Variants in GPHN observed in about 807,000 individuals in gnomAD.
GPHN encodes the protein gephyrin.
Under a neutral mutation model 95.5 loss-of-function variants are expected in GPHN, and 17 were observed. The ratio of observed to expected loss-of-function variants is 0.18; its 90% confidence interval spans 0.12 to 0.27. GPHN has a LOEUF of 0.27. GPHN is among the 10% of genes least tolerant of loss of function. GPHN has a pLI of 1.00. For missense variants in GPHN, 660 were observed against 978.1 expected (o/e 0.67, Z 4.34); for synonymous variants, 320 against 322.5 (o/e 0.99, Z 0.08).
the GPHN span, among the ~76,000 whole-genome samples, chr14:67,675,734 G>C: frequency 1.3e-5 from 2 of 152,070 alleles, no homozygotes; most frequent in Non-Finnish European, 2.9e-5. Context: ...GGCTTCATTA[G>C]GTCTCATCTG....
chr14:66,832,917 G>A (rs2061635413), intron 4 of GPHN, among the ~76,000 whole-genome samples: 1 of 152,154 alleles, frequency 6.6e-6, no homozygotes, highest in African/African-American at 2.4e-5. Context: ...AAAGGTAGGA[G>A]TAAAGAAGAA....
the GPHN span, chr14:67,571,646 G>C: frequency 1.8e-6 from 2 of 1,112,564 alleles, no homozygotes; most frequent in Non-Finnish European, 2.7e-6. Context: ...GTCCCGGCTG[G>C]GGGTTGGCCA....
At chr14:67,646,641 T>A in the GPHN span, 188 of 1,599,422 alleles carry the variant, frequency 1.2e-4, no homozygotes, top group Non-Finnish European at 1.5e-4. Flanking sequence ...CTCCCTTTCA[T>A]AGGTACCACA....
At chr14:67,308,854 G>C in the GPHN span, among the ~76,000 whole-genome samples, 1 of 151,942 alleles carries the variant, frequency 6.6e-6, no homozygotes, top group Non-Finnish European at 1.5e-5. Flanking sequence ...TTATTAATAA[G>C]TAATTCTAAT....
At chr14:67,392,016 C>T in the GPHN span, among the ~76,000 whole-genome samples, 4 of 152,302 alleles carry the variant, frequency 2.6e-5, no homozygotes, top group African/African-American at 4.8e-5. Context: ...TCAGCAAAAG[C>T]TTCCAAGACA....
the GPHN span, among the ~76,000 whole-genome samples, chr14:67,479,138 G>T: frequency 6.6e-6 from 1 of 152,156 alleles, no homozygotes; most frequent in Non-Finnish European, 1.5e-5. Context: ...GCTGGACGTG[G>T]TGGCTCACCC....
At chr14:67,524,317 C>T in the GPHN span, among the ~76,000 whole-genome samples, 2 of 152,144 alleles carry the variant, frequency 1.3e-5, no homozygotes, top group Non-Finnish European at 2.9e-5. Context: ...GGACCCCAAT[C>T]CCTGTCGTAA....
the GPHN span, among the ~76,000 whole-genome samples, chr14:67,213,313 C>A: frequency 9.5e-6 from 1 of 105,694 alleles, no homozygotes; most frequent in African/African-American, 3.6e-5. Flanking sequence ...ATCCCTCCCC[C>A]CTCCCCCCAC....
the GPHN span, among the ~76,000 whole-genome samples, chr14:67,429,473 C>T: frequency 1.3e-5 from 2 of 149,680 alleles, no homozygotes; most frequent in East Asian, 4.2e-4. Context: ...TCATGATTCG[C>T]CCACCTCGGC....
intron 2 of GPHN, among the ~76,000 whole-genome samples, chr14:66,691,178 C>T (rs2067750469): frequency 6.6e-6 from 1 of 151,594 alleles, no homozygotes; most frequent in African/African-American, 2.4e-5. Flanking sequence ...ACTGTCTCTA[C>T]AATTTTTATT....
At chr14:66,920,357 T>G (rs1054501522) in intron 6 of GPHN, among the ~76,000 whole-genome samples, 2 of 152,216 alleles carry the variant, frequency 1.3e-5, no homozygotes, top group Admixed American at 1.3e-4. Flanking sequence ...ATTTATTTAT[T>G]TTTAGAGACA....
At chr14:66,550,964 C>T (rs2059789563) in intron 1 of GPHN, 1 of 152,852 alleles carries the variant, frequency 6.5e-6, no homozygotes, top group Non-Finnish European at 1.5e-5. Context: ...TCACGCCATT[C>T]TCTTGCCTCA....
chr14:66,992,771 A>G (rs1010767772), intron 9 of GPHN, among the ~76,000 whole-genome samples: 22 of 152,142 alleles, frequency 1.4e-4, no homozygotes, highest in African/African-American at 5.1e-4. Flanking sequence ...GCATTTATAA[A>G]TTGTGGAGAA....
chr14:67,303,024 A>C, the GPHN span, among the ~76,000 whole-genome samples: 5 of 152,236 alleles, frequency 3.3e-5, no homozygotes, highest in African/African-American at 1.2e-4. Flanking sequence ...AGCTGCATAT[A>C]GCTATTTCTG....
At chr14:66,938,079 A>G (rs1567125665) in intron 8 of GPHN, among the ~76,000 whole-genome samples, 1 of 152,210 alleles carries the variant, frequency 6.6e-6, no homozygotes, top group Non-Finnish European at 1.5e-5. Context: ...TCAAAGTGGT[A>G]GTGATATTTG....
chr14:66,723,881 G>A (rs894633776), intron 2 of GPHN, among the ~76,000 whole-genome samples: 2 of 151,828 alleles, frequency 1.3e-5, no homozygotes, highest in Non-Finnish European at 1.5e-5. Flanking sequence ...GGAATACCTA[G>A]TTTATACAAG....
intron 11 of GPHN, among the ~76,000 whole-genome samples, chr14:67,087,198 C>T (rs534758890): frequency 1.3e-5 from 2 of 152,102 alleles, no homozygotes; most frequent in Non-Finnish European, 2.9e-5. Flanking sequence ...AAACTCAGCC[C>T]TTGTGCTATC....
intron 10 of GPHN, among the ~76,000 whole-genome samples, chr14:67,049,517 C>CT (rs746210824): frequency 1.9e-3 from 268 of 140,320 alleles, no homozygotes; most frequent in South Asian, 0.011. Flanking sequence ...TCTGTGACAA[C>CT]TTTTTTTTTT....
chr14:67,407,795 G>T, the GPHN span, among the ~76,000 whole-genome samples: 1 of 152,044 alleles, frequency 6.6e-6, no homozygotes, highest in Non-Finnish European at 1.5e-5. Context: ...CTTGCCCAAG[G>T]CTCTATAACC....
Sources: gnomAD v4.1 joint callset for allele counts (sites outside exome capture counted in the v4.1 genomes callset) on GRCh38, gnomAD v4.1.1 for gene constraint, MANE v1.5 for transcripts, NCBI Gene and HGNC (gene_info 2026-07-23, HGNC 2026-07-21) for gene names.